Variants in CREB5 observed in about 807,000 individuals in gnomAD.
The protein encoded by CREB5 is cyclic AMP-responsive element-binding protein 5.
CREB5 carries 19 observed loss-of-function variants against 57.1 expected under a neutral mutation model. That is an observed-to-expected ratio of 0.33 (90% confidence interval 0.23 to 0.49). The LOEUF is 0.49. Among genes scored for constraint, CREB5 ranks in the 20% least tolerant of loss-of-function variants. The pLI is 0.99. For synonymous variants in CREB5, 238 were observed against 238.3 expected (o/e 1.00, Z 0.01); for missense variants, 579 against 671.6 (o/e 0.86, Z 1.52).
At chr7:28,778,943 AGTT>A (rs1284486601) in intron 7 of CREB5, 1 of 152,164 alleles carries the variant, frequency 6.6e-6, no homozygotes, top group Non-Finnish European at 1.5e-5. Context: ...TTGTTTTTAT[AGTT>A]GTTGTGAAAT....
chr7:28,521,838 G>A (rs1309170654), intron 4 of CREB5, among the ~76,000 whole-genome samples: 1 of 152,128 alleles, frequency 6.6e-6, no homozygotes, highest in African/African-American at 2.4e-5. Flanking sequence ...TTATCCTATA[G>A]GATTACGTTG....
intron 1 of CREB5, among the ~76,000 whole-genome samples, chr7:28,468,301 G>A (rs1200750170): frequency 3.3e-5 from 5 of 152,178 alleles, no homozygotes; most frequent in African/African-American, 4.8e-5. Context: ...GAAAGTTCAC[G>A]GTCACTGCAG....
chr7:28,665,367 A>G (rs1273400235), intron 5 of CREB5, among the ~76,000 whole-genome samples: 1 of 152,192 alleles, frequency 6.6e-6, no homozygotes, highest in African/African-American at 2.4e-5. Flanking sequence ...TTGCAGAAAC[A>G]TCTACCTCCC....
chr7:28,527,709 C>G (rs529873625), intron 4 of CREB5, among the ~76,000 whole-genome samples: 1 of 152,202 alleles, frequency 6.6e-6, no homozygotes, highest in African/African-American at 2.4e-5. Context: ...TATTCCTAGC[C>G]ATTCAGGAGG....
chr7:28,802,197 G>A (rs1290539349), intron 7 of CREB5, among the ~76,000 whole-genome samples: 1 of 151,306 alleles, frequency 6.6e-6, no homozygotes, highest in Non-Finnish European at 1.5e-5. Context: ...CTGTTGTGCA[G>A]TATCTGTTGC....
chr7:28,696,626 A>G (rs1801576051), intron 5 of CREB5, among the ~76,000 whole-genome samples: 1 of 152,106 alleles, frequency 6.6e-6, no homozygotes, highest in Admixed American at 6.5e-5. Context: ...TTTTTTTGAT[A>G]TGAGCAATAG....
chr7:28,412,222 G>T (rs909976544), upstream of CREB5, among the ~76,000 whole-genome samples: 1 of 152,178 alleles, frequency 6.6e-6, no homozygotes, highest in African/African-American at 2.4e-5. Flanking sequence ...TTTAAAACTT[G>T]CTTTTATCTT....
chr7:28,445,223 T>C (rs1208338232), intron 1 of CREB5, among the ~76,000 whole-genome samples: 1 of 152,184 alleles, frequency 6.6e-6, no homozygotes, highest in African/African-American at 2.4e-5. Context: ...TGTTTTTCTT[T>C]ATAAATTACT....
At chr7:28,352,491 T>C (rs1013623402) in intron 1 of CREB5, among the ~76,000 whole-genome samples, 2 of 152,218 alleles carry the variant, frequency 1.3e-5, no homozygotes, top group African/African-American at 4.8e-5. Context: ...GGTTTAAAGA[T>C]TGGGCAGCTC....
chr7:28,668,035 G>A (rs1193560317), intron 5 of CREB5, among the ~76,000 whole-genome samples: 1 of 152,146 alleles, frequency 6.6e-6, no homozygotes, highest in Non-Finnish European at 1.5e-5. Flanking sequence ...CCAGCCTTGA[G>A]TACTACAGAG....
chr7:28,802,057 C>T lies in CREB5; in HGVS notation c.703-2142C>T, dbSNP rs908326259. ...ATCTTGCCACTGCACTCCAGCCTGG[C>T]GACACAGCGAGACTCCATCTGAAAA... is the stretch of plus-strand genomic sequence containing the variant. On this transcript the variant is annotated intron_variant, in intron 7 of 10. Transcript: ENST00000357727. Among the ~76,000 whole-genome samples, 18 of 116,518 alleles carry T rather than the reference C, an allele frequency of 1.5e-4. No homozygotes were observed. In the East Asian group the frequency reaches 2.0e-3, roughly 13 times the overall value. The allele number at this position is 116,518 out of a possible 152,430, so 76.4% of individuals were successfully genotyped here. A position where few individuals can be genotyped will look rare whatever the true frequency, so the allele number is the denominator to read the frequency against.
chr7:28,555,002 G>A (rs1794802671), intron 4 of CREB5, among the ~76,000 whole-genome samples: 1 of 152,070 alleles, frequency 6.6e-6, no homozygotes, highest in Non-Finnish European at 1.5e-5. Flanking sequence ...CCCCATTCTG[G>A]CTCAGTGTTC....
chr7:28,741,699 C>T (rs757498771), intron 7 of CREB5, among the ~76,000 whole-genome samples: 10 of 152,148 alleles, frequency 6.6e-5, no homozygotes, highest in Non-Finnish European at 1.5e-4. Flanking sequence ...AATTAATATC[C>T]CTTGGATTCA....
chr7:28,565,507 C>T (rs940921894), intron 4 of CREB5, among the ~76,000 whole-genome samples: 2 of 152,168 alleles, frequency 1.3e-5, no homozygotes, highest in African/African-American at 4.8e-5. Flanking sequence ...ATAGTAATGC[C>T]TACCTCTAAG....
intron 1 of CREB5, chr7:28,299,494 AAATT>A (rs1158298528): frequency 6.6e-6 from 1 of 152,232 alleles, no homozygotes; most frequent in Non-Finnish European, 1.5e-5. Flanking sequence ...AAGATTGAAT[AAATT>A]AAAAATTCAG....
At chr7:28,638,411 T>TC (rs1798514963) in intron 5 of CREB5, among the ~76,000 whole-genome samples, 2 of 151,360 alleles carry the variant, frequency 1.3e-5, no homozygotes, top group African/African-American at 4.9e-5. Context: ...AGTGGCACAA[T>TC]CACAGCTCAC....
At chr7:28,497,385 T>C (rs1364163437) in intron 3 of CREB5, among the ~76,000 whole-genome samples, 2 of 152,280 alleles carry the variant, frequency 1.3e-5, no homozygotes, top group African/African-American at 4.8e-5. Flanking sequence ...TGCCAATCAC[T>C]GGCAGTGCCA....
chr7:28,482,533 C>A (rs1020811916), intron 1 of CREB5, among the ~76,000 whole-genome samples: 1 of 152,146 alleles, frequency 6.6e-6, no homozygotes, highest in African/African-American at 2.4e-5. Flanking sequence ...TGTTTTCCAG[C>A]TGTTTTTGGT....
At chr7:28,591,584 G>C (rs73301191) in intron 5 of CREB5, among the ~76,000 whole-genome samples, 2,744 of 152,236 alleles carry the variant, frequency 0.018, 86 homozygotes, top group African/African-American at 0.062. Flanking sequence ...GGGGAGTCCA[G>C]TTTAGGACTG....
Sources: gnomAD v4.1 joint callset for allele counts (sites outside exome capture counted in the v4.1 genomes callset) on GRCh38, gnomAD v4.1.1 for gene constraint, MANE v1.5 for transcripts, NCBI Gene and HGNC (gene_info 2026-07-23, HGNC 2026-07-21) for gene names.